NFIA: variants seen among roughly 807,000 people sequenced by gnomAD.
NFIA encodes nuclear factor I A.
NFIA carries 8 observed loss-of-function variants against 62.8 expected under a neutral mutation model. The observed-to-expected ratio is 0.13, with a 90% CI of 0.07 to 0.23. NFIA has a LOEUF of 0.23. Ranked by LOEUF, NFIA falls within the 10% of genes least tolerant of loss-of-function variation. The pLI is 1.00. For missense variants in NFIA, 410 were observed against 642.1 expected (o/e 0.64, Z 3.91); for synonymous variants, 235 against 238.1 (o/e 0.99, Z 0.12).
chr1:61,121,447 A>G (rs1463387113), intron 2 of NFIA, among the ~76,000 whole-genome samples: 1 of 152,192 alleles, frequency 6.6e-6, no homozygotes, highest in Non-Finnish European at 1.5e-5. Flanking sequence ...ATGGATCAAC[A>G]GAGTTATAGG....
At chr1:61,333,965 A>C (rs907011797) in intron 4 of NFIA, among the ~76,000 whole-genome samples, 1 of 152,162 alleles carries the variant, frequency 6.6e-6, no homozygotes, top group Non-Finnish European at 1.5e-5. Context: ...ACACTACCAC[A>C]CTCCAGCCTG....
At chr1:61,111,065 G>A (rs2100453228) in intron 2 of NFIA, among the ~76,000 whole-genome samples, 1 of 152,148 alleles carries the variant, frequency 6.6e-6, no homozygotes, top group African/African-American at 2.4e-5. Context: ...TTACTTAATA[G>A]GACATAATTA....
chr1:61,367,552 A>G (rs1361575634), intron 6 of NFIA, among the ~76,000 whole-genome samples: 3 of 152,172 alleles, frequency 2.0e-5, no homozygotes, highest in Admixed American at 1.3e-4. Flanking sequence ...ACCAGGGGAC[A>G]TTGGTACAGT....
chr1:61,408,437 TCTA>T (rs1487402719), intron 9 of NFIA, among the ~76,000 whole-genome samples: 14 of 152,234 alleles, frequency 9.2e-5, no homozygotes, highest in African/African-American at 3.4e-4. Flanking sequence ...TGCCCCAGAC[TCTA>T]CTTACATCTG....
chr1:61,147,335 G>A (rs1368525514), intron 2 of NFIA, among the ~76,000 whole-genome samples: 1 of 152,162 alleles, frequency 6.6e-6, no homozygotes, highest in East Asian at 1.9e-4. Context: ...ATTTTTAGTA[G>A]AGACGAGGTT....
At chr1:61,402,492 T>G (rs1029357866) in intron 7 of NFIA, among the ~76,000 whole-genome samples, 1 of 152,200 alleles carries the variant, frequency 6.6e-6, no homozygotes, top group African/African-American at 2.4e-5. Context: ...AAATATTTAT[T>G]GAGTGCCAGA....
intron 2 of NFIA, among the ~76,000 whole-genome samples, chr1:61,205,947 T>G (rs527674138): frequency 6.2e-5 from 9 of 145,928 alleles, no homozygotes; most frequent in Non-Finnish European, 1.2e-4. Context: ...GGGTCTTGCT[T>G]GCTGTGTCAC....
intron 2 of NFIA, among the ~76,000 whole-genome samples, chr1:61,210,280 G>C (rs1653165425): frequency 6.6e-6 from 1 of 152,226 alleles, no homozygotes; most frequent in Non-Finnish European, 1.5e-5. Context: ...CATTGCCCCT[G>C]TGATAGGTAG....
At chr1:61,317,056 T>TG (rs1378627961) in intron 3 of NFIA, among the ~76,000 whole-genome samples, 7 of 152,170 alleles carry the variant, frequency 4.6e-5, no homozygotes, top group African/African-American at 1.7e-4. Context: ...AAAAAAATAC[T>TG]GAAAAATAAA....
At chr1:61,100,594 G>A (rs1570150591) in intron 2 of NFIA, among the ~76,000 whole-genome samples, 1 of 152,036 alleles carries the variant, frequency 6.6e-6, no homozygotes, top group African/African-American at 2.4e-5. Flanking sequence ...AAAAATTTAT[G>A]GTGATTATTA....
rs141025338 is a variant in NFIA, at chr1:61,171,655, C to T, written c.559+82975C>T. Among the ~76,000 whole-genome samples, 1,396 of 152,184 alleles carry T rather than the reference C, an allele frequency of 9.2e-3. 17 individuals are homozygous for T. The highest frequency in any genetic ancestry group is 0.061 in the Middle Eastern group (18 of 294). On this transcript the variant is annotated intron_variant, in intron 2 of 10. Coordinates refer to ENST00000403491, the MANE Select transcript of NFIA (RefSeq NM_001134673.4). ...ATGGCCTGCTGATCTAATCTGAGGA[C>T]GAATAAGAGAATCCTCCTCCCTGTG... is the stretch of plus-strand genomic sequence containing the variant.
chr1:61,345,589 G>T (rs1229633301), intron 4 of NFIA, among the ~76,000 whole-genome samples: 1 of 152,162 alleles, frequency 6.6e-6, no homozygotes, highest in Non-Finnish European at 1.5e-5. Flanking sequence ...GGAGTGGCGG[G>T]TGAGTGAGCA....
chr1:61,132,093 A>G (rs548220276), intron 2 of NFIA, among the ~76,000 whole-genome samples: 4 of 152,338 alleles, frequency 2.6e-5, no homozygotes, highest in African/African-American at 9.6e-5. Context: ...GCCAATTGGT[A>G]GAAATGAAGT....
chr1:61,109,473 A>G (rs772839872), intron 2 of NFIA, among the ~76,000 whole-genome samples: 5 of 145,986 alleles, frequency 3.4e-5, no homozygotes, highest in Non-Finnish European at 7.6e-5. Flanking sequence ...AATAATATTT[A>G]CTGAGAATCT....
intron 2 of NFIA, among the ~76,000 whole-genome samples, chr1:61,263,309 T>C (rs909873421): frequency 2.0e-5 from 3 of 152,180 alleles, no homozygotes; most frequent in Non-Finnish European, 4.4e-5. Flanking sequence ...GATACTGGTA[T>C]CACTCACAGC....
chr1:61,435,461 T>C (rs1054909182), intron 10 of NFIA, among the ~76,000 whole-genome samples: 1 of 152,210 alleles, frequency 6.6e-6, no homozygotes, highest in Non-Finnish European at 1.5e-5. Context: ...AACATTCTGC[T>C]CTGTCTTCCT....
intron 2 of NFIA, among the ~76,000 whole-genome samples, chr1:61,248,171 T>C (rs1655772887): frequency 6.6e-6 from 1 of 152,138 alleles, no homozygotes; most frequent in Non-Finnish European, 1.5e-5. Flanking sequence ...CAACTAGCTG[T>C]CCCTCCAGCT....
chr1:61,430,179 G>A (rs910356146), intron 10 of NFIA, among the ~76,000 whole-genome samples: 8 of 152,156 alleles, frequency 5.3e-5, no homozygotes, highest in African/African-American at 1.9e-4. Context: ...AACAGTCAGA[G>A]CAAGTGGACT....
chr1:61,203,163 C>T (rs958201094), intron 2 of NFIA, among the ~76,000 whole-genome samples: 12 of 152,076 alleles, frequency 7.9e-5, no homozygotes, highest in South Asian at 2.1e-4. Flanking sequence ...TTCCGAGTCC[C>T]GTTGGTGTCT....
Sources: gnomAD v4.1 joint callset for allele counts (sites outside exome capture counted in the v4.1 genomes callset) on GRCh38, gnomAD v4.1.1 for gene constraint, MANE v1.5 for transcripts, NCBI Gene and HGNC (gene_info 2026-07-23, HGNC 2026-07-21) for gene names.